Variants in NOL4 observed in about 807,000 individuals in gnomAD.
The protein encoded by NOL4 is cancer/testis antigen 125.
NOL4 carries 17 observed loss-of-function variants against 75.9 expected under a neutral mutation model. That is an observed-to-expected ratio of 0.22 (90% CI 0.15 to 0.34). NOL4 has a LOEUF of 0.34. Among genes scored for constraint, NOL4 ranks in the 10% least tolerant of loss-of-function variants. The pLI is 1.00. For synonymous variants in NOL4, 292 were observed against 289.9 expected (o/e 1.01, Z -0.07); for missense variants, 614 against 793.5 (o/e 0.77, Z 2.72).
At chr18:34,081,317 C>T (rs1042096444) in intron 5 of NOL4, among the ~76,000 whole-genome samples, 7 of 152,068 alleles carry the variant, frequency 4.6e-5, no homozygotes, top group African/African-American at 1.7e-4. Flanking sequence ...TTGTGTAGGA[C>T]TGAACATATT....
intron 5 of NOL4, among the ~76,000 whole-genome samples, chr18:34,060,456 A>C (rs2077024791): frequency 2.0e-5 from 3 of 152,162 alleles, no homozygotes; most frequent in Admixed American, 2.0e-4. Flanking sequence ...CCTCATAATT[A>C]CTTTATTTTT....
At chr18:33,985,106 T>A (rs537280558) in intron 6 of NOL4, among the ~76,000 whole-genome samples, 1 of 152,114 alleles carries the variant, frequency 6.6e-6, no homozygotes, top group Admixed American at 6.6e-5. Flanking sequence ...CAAAAACTGA[T>A]CAAAAATTAT....
At chr18:34,047,613 G>A (rs1310089207) in intron 5 of NOL4, among the ~76,000 whole-genome samples, 1 of 151,962 alleles carries the variant, frequency 6.6e-6, no homozygotes, top group African/African-American at 2.4e-5. Flanking sequence ...GTCTTTTGAG[G>A]TAATTAAGTT....
rs1050861087 is a variant in NOL4, at chr18:33,853,123, G to C, written c.1724-88C>G. The C allele has an allele frequency of 3.8e-6, 4 of 1,064,610 alleles. No individual in the cohort carries two copies. The South Asian group carries it at 6.8e-5, about 18-fold the overall frequency. 65.9% of individuals were successfully genotyped at this position (1,064,610 alleles called of 1,614,324 possible). ...AGCATTCAATAAATTATAGTTGAAT[G>C]AATTAATGAATTCTTCCACAAGAAG... On this transcript the variant is annotated intron_variant, in intron 10 of 10. Coordinates refer to ENST00000261592, the MANE Select transcript of NOL4 (RefSeq NM_003787.5).
intron 1 of NOL4, among the ~76,000 whole-genome samples, chr18:34,197,455 T>C (rs2035414019): frequency 6.6e-6 from 1 of 152,062 alleles, no homozygotes; most frequent in Non-Finnish European, 1.5e-5. Flanking sequence ...CTATATGTTT[T>C]ATACTCAACA....
At chr18:34,151,717 C>G (rs751398671) in intron 1 of NOL4, among the ~76,000 whole-genome samples, 1 of 151,842 alleles carries the variant, frequency 6.6e-6, no homozygotes, top group Non-Finnish European at 1.5e-5. Flanking sequence ...TAATGATATG[C>G]CAATGTAGTT....
chr18:33,884,993 T>C (rs16965012), intron 9 of NOL4, among the ~76,000 whole-genome samples: 3,411 of 152,122 alleles, frequency 0.022, 109 homozygotes, highest in African/African-American at 0.077. Flanking sequence ...GACACATAAT[T>C]TATAGGCTTT....
At chr18:33,996,355 T>C (rs1036233945) in intron 6 of NOL4, among the ~76,000 whole-genome samples, 2 of 151,926 alleles carry the variant, frequency 1.3e-5, no homozygotes, top group Non-Finnish European at 2.9e-5. Flanking sequence ...ATAGTATTTC[T>C]GTACATTTGT....
intron 6 of NOL4, among the ~76,000 whole-genome samples, chr18:34,006,129 C>T (rs989073009): frequency 2.6e-5 from 4 of 152,044 alleles, no homozygotes; most frequent in African/African-American, 4.8e-5. Context: ...TTTAATAGGG[C>T]ACCATACTTA....
At chr18:33,996,735 G>A (rs1453525380) in intron 6 of NOL4, among the ~76,000 whole-genome samples, 4 of 151,754 alleles carry the variant, frequency 2.6e-5, no homozygotes, top group Non-Finnish European at 5.9e-5. Flanking sequence ...GAAAGAAAAT[G>A]ATTTCATTCT....
intron 1 of NOL4, among the ~76,000 whole-genome samples, chr18:34,187,693 T>G (rs1418885148): frequency 1.3e-5 from 2 of 152,198 alleles, no homozygotes; most frequent in Non-Finnish European, 2.9e-5. Flanking sequence ...GCCAGTCCAC[T>G]TCTTTTTAAT....
intron 10 of NOL4, among the ~76,000 whole-genome samples, chr18:33,868,999 C>T (rs973559684): frequency 2.0e-5 from 3 of 151,778 alleles, no homozygotes; most frequent in African/African-American, 7.3e-5. Context: ...TTTTAAAGTA[C>T]AACATTAAAA....
At chr18:33,996,741 ATTCT>A (rs2073313642) in intron 6 of NOL4, among the ~76,000 whole-genome samples, 1 of 151,826 alleles carries the variant, frequency 6.6e-6, no homozygotes, top group African/African-American at 2.4e-5. Flanking sequence ...AAATGATTTC[ATTCT>A]TCTTTTACGG....
intron 5 of NOL4, among the ~76,000 whole-genome samples, chr18:34,064,906 A>G (rs1017556502): frequency 1.4e-5 from 2 of 140,968 alleles, no homozygotes; most frequent in Non-Finnish European, 3.0e-5. Context: ...TTTATTCCCT[A>G]TGGTATTTTT....
intron 9 of NOL4, among the ~76,000 whole-genome samples, chr18:33,896,444 T>A (rs1020753652): frequency 6.6e-5 from 10 of 152,122 alleles, no homozygotes; most frequent in Non-Finnish European, 8.8e-5. Context: ...CATAGACCAT[T>A]GGAGCAAAAT....
At chr18:33,855,401 T>G (rs1026263892) in intron 10 of NOL4, among the ~76,000 whole-genome samples, 1 of 152,050 alleles carries the variant, frequency 6.6e-6, no homozygotes, top group African/African-American at 2.4e-5. Flanking sequence ...CTACATTTAA[T>G]TAAGTCTAGG....
chr18:34,096,494 T>C (rs867829894), intron 4 of NOL4, among the ~76,000 whole-genome samples: 1 of 152,236 alleles, frequency 6.6e-6, no homozygotes, highest in South Asian at 2.1e-4. Flanking sequence ...GATAAAATAC[T>C]AATTACACTA....
chr18:33,870,850 A>C (rs951885309), intron 10 of NOL4, among the ~76,000 whole-genome samples: 1 of 152,112 alleles, frequency 6.6e-6, no homozygotes, highest in Non-Finnish European at 1.5e-5. Context: ...CAAGAGGATT[A>C]TATTTCCTAA....
At chr18:34,148,856 G>C (rs2081523117) in intron 1 of NOL4, among the ~76,000 whole-genome samples, 1 of 151,882 alleles carries the variant, frequency 6.6e-6, no homozygotes, top group Non-Finnish European at 1.5e-5. Flanking sequence ...AAGTCTCTTT[G>C]TAAGTCTCTA....
Sources: allele counts gnomAD v4.1 joint callset (sites outside exome capture counted in the v4.1 genomes callset), GRCh38; gene constraint gnomAD v4.1.1; transcripts MANE v1.5; gene names NCBI Gene and HGNC (gene_info 2026-07-23, HGNC 2026-07-21).